SGCD: variants seen among roughly 807,000 people sequenced by gnomAD.
SGCD encodes sarcoglycan delta.
A neutral mutation model predicts 36.6 loss-of-function variants in SGCD; 18 were observed. That is an observed-to-expected ratio of 0.49 (90% CI 0.34 to 0.73). The LOEUF (loss-of-function observed/expected upper bound fraction) is 0.73. Ranked by LOEUF, SGCD falls within the 30% of genes least tolerant of loss-of-function variation. The probability of loss-of-function intolerance (pLI) is 0.01; values close to 1 mark genes in which losing one functional copy is unlikely to be tolerated. For missense variants in SGCD, 387 were observed against 346.7 expected (o/e 1.12, Z -0.92); for synonymous variants, 133 against 130.6 (o/e 1.02, Z -0.12).
intron 3 of SGCD, among the ~76,000 whole-genome samples, chr5:156,201,120 G>A (rs1452013489): frequency 2.6e-5 from 4 of 152,110 alleles, no homozygotes; most frequent in Admixed American, 6.6e-5. Context: ...ATTGATGGGC[G>A]TAGAGTTTCA....
intron 2 of SGCD, 58 bp from the exon 3 acceptor site, chr5:156,344,431 T>C (rs1580848952): frequency 8.1e-7 from 1 of 1,227,464 alleles, no homozygotes; most frequent in East Asian, 2.7e-5. Context: ...CCTTTATTTT[T>C]TTTCTCTTCT....
intron 3 of SGCD, among the ~76,000 whole-genome samples, chr5:156,446,644 G>C (rs1275681977): frequency 6.6e-6 from 1 of 152,132 alleles, no homozygotes. Context: ...GGGACAGATG[G>C]CCAAAGTTCT....
chr5:155,749,350 C>T, the SGCD span, among the ~76,000 whole-genome samples: 4 of 152,192 alleles, frequency 2.6e-5, no homozygotes, highest in African/African-American at 9.6e-5. Flanking sequence ...AGGAGCTTGA[C>T]ATCAAGGTAT....
At chr5:156,031,836 G>C (rs1027836576) in intron 1 of SGCD, among the ~76,000 whole-genome samples, 3 of 152,200 alleles carry the variant, frequency 2.0e-5, no homozygotes, top group African/African-American at 4.8e-5. Context: ...TTTGAACCAA[G>C]TGGTCTGATT....
chr5:156,177,629 A>G (rs1482008529), intron 3 of SGCD, among the ~76,000 whole-genome samples: 1 of 152,124 alleles, frequency 6.6e-6, no homozygotes, highest in Non-Finnish European at 1.5e-5. Flanking sequence ...GTACAATTCT[A>G]TTAGTTTTGA....
chr5:156,389,203 C>A (rs564619156), intron 3 of SGCD, among the ~76,000 whole-genome samples: 1 of 152,210 alleles, frequency 6.6e-6, no homozygotes, highest in Non-Finnish European at 1.5e-5. Context: ...GCAACCAGAA[C>A]CTTAACAATT....
intron 3 of SGCD, among the ~76,000 whole-genome samples, chr5:156,445,028 G>T (rs547419983): frequency 1.3e-5 from 2 of 152,210 alleles, no homozygotes; most frequent in South Asian, 4.2e-4. Context: ...GAGCATTAGC[G>T]TTCTTCATAA....
At chr5:156,351,603 GTCATCATCATCATCATCA>G (rs141077881) in intron 3 of SGCD, among the ~76,000 whole-genome samples, 28 of 149,210 alleles carry the variant, frequency 1.9e-4, no homozygotes, top group South Asian at 4.3e-4. Flanking sequence ...TATCGTCGTA[GTCATCATCATCATCATCA>G]TCATCATCAT....
chr5:156,254,293 A>G (rs1469505322), intron 3 of SGCD, among the ~76,000 whole-genome samples: 1 of 152,206 alleles, frequency 6.6e-6, no homozygotes, highest in Non-Finnish European at 1.5e-5. Flanking sequence ...TTACATATGT[A>G]TACATGTGCC....
rs779679965 is a variant in SGCD at position 156,051,220 on chromosome 5, A to T, written c.-281-66658A>T. 1.2e-3 allele frequency among the ~76,000 whole-genome samples: 172 copies of T among 146,352 alleles called. 34 individuals carry two copies. The highest frequency in any genetic ancestry group is 2.0e-3 in the Admixed American group (29 of 14,648). On this transcript the variant is annotated intron_variant, in intron 1 of 9. Transcript: ENST00000517913. ...AGAGAGGGAGGAAAGAAAGGGGGAA[A>T]ATATTTTCCCAGAGAAGTTTGAATT...
chr5:156,686,512 C>T (rs1344928228), intron 7 of SGCD, among the ~76,000 whole-genome samples: 1 of 152,186 alleles, frequency 6.6e-6, no homozygotes, highest in African/African-American at 2.4e-5. Context: ...GATAGTCTCT[C>T]TAGGCAGGCT....
At chr5:156,000,799 C>CATATATATATATATAT (rs145379741) in intron 1 of SGCD, among the ~76,000 whole-genome samples, 36 of 145,286 alleles carry the variant, frequency 2.5e-4, no homozygotes, top group African/African-American at 9.8e-4. Context: ...TTTCCTCACA[C>CATATATATATATATAT]ATATATATAT....
chr5:156,671,586 A>T (rs1753296433), intron 7 of SGCD, among the ~76,000 whole-genome samples: 1 of 152,098 alleles, frequency 6.6e-6, no homozygotes, highest in Non-Finnish European at 1.5e-5. Flanking sequence ...ATTCATTTTT[A>T]AGAATGAAGC....
At chr5:155,899,391 G>A (rs1179073055) in intron 1 of SGCD, among the ~76,000 whole-genome samples, 1 of 152,170 alleles carries the variant, frequency 6.6e-6, no homozygotes, top group African/African-American at 2.4e-5. Context: ...CTCTAACCCT[G>A]GGCCTTTGAG....
intron 7 of SGCD, among the ~76,000 whole-genome samples, chr5:156,745,668 T>C (rs1756909091): frequency 6.6e-6 from 1 of 152,074 alleles, no homozygotes; most frequent in Admixed American, 6.6e-5. Flanking sequence ...CAAGTATGTT[T>C]ACTATGCATA....
intron 2 of SGCD, among the ~76,000 whole-genome samples, chr5:156,330,583 CT>C (rs1768022768): frequency 6.6e-6 from 1 of 152,194 alleles, no homozygotes; most frequent in Non-Finnish European, 1.5e-5. Context: ...ATTTCTCCAT[CT>C]TTTCCTGCAC....
At chr5:156,654,083 G>A (rs281041) in intron 7 of SGCD, among the ~76,000 whole-genome samples, 129,760 of 152,064 alleles carry the variant, frequency 0.85, 55,607 homozygotes, top group East Asian at 0.98. Flanking sequence ...CTGACAGCAG[G>A]CAGATTGATG....
At chr5:156,217,288 T>C (rs1027567735) in intron 3 of SGCD, among the ~76,000 whole-genome samples, 1 of 152,174 alleles carries the variant, frequency 6.6e-6, no homozygotes, top group East Asian at 1.9e-4. Flanking sequence ...CTGTGAAAAT[T>C]TTTAAATTTG....
At chr5:156,285,420 A>T (rs1432858891) in intron 3 of SGCD, among the ~76,000 whole-genome samples, 1 of 152,206 alleles carries the variant, frequency 6.6e-6, no homozygotes, top group Non-Finnish European at 1.5e-5. Flanking sequence ...CTGACTTCAA[A>T]CAATACTACA....
Sources: allele counts gnomAD v4.1 joint callset (sites outside exome capture counted in the v4.1 genomes callset), GRCh38; gene constraint gnomAD v4.1.1; transcripts MANE v1.5; gene names NCBI Gene and HGNC (gene_info 2026-07-23, HGNC 2026-07-21).